The following PCDHGA3 variants were observed in gnomAD, a reference collection of about 807,000 sequenced individuals.
PCDHGA3 encodes protocadherin gamma subfamily A, 3.
PCDHGA3 carries 40 observed loss-of-function variants against 58.5 expected under a neutral mutation model. The ratio of observed to expected loss-of-function variants is 0.68; its 90% CI spans 0.53 to 0.89. PCDHGA3 has a LOEUF of 0.89. Ranked by LOEUF, PCDHGA3 falls within the 40% of genes least tolerant of loss-of-function variation. PCDHGA3 has a pLI of 0.00. For missense variants in PCDHGA3, 1,223 were observed against 1,195.9 expected, an observed-to-expected ratio of 1.02 and a Z score of -0.33; for synonymous variants, 530 against 525.7, an observed-to-expected ratio of 1.01 and a Z score of -0.11.
rs139211149 is a variant in PCDHGA3, at chr5:141,426,067, G to A, written c.2425-68740G>A. Among the ~76,000 whole-genome samples, 5 of 152,328 alleles carry A rather than the reference G, an allele frequency of 3.3e-5. No individual in the cohort carries two copies. The East Asian group carries it at 9.6e-4, about 29-fold the overall frequency. On this transcript the variant is annotated intron_variant, in intron 1 of 3. Coordinates refer to ENST00000253812, the MANE Select transcript of PCDHGA3 (RefSeq NM_018916.4). Reference sequence around the variant, plus strand: ...TGGCCAATGTGCTGCAAGAACTGGAGCCTGGGATCTACCAGGACGATATTC... The same window carrying A: ...TGGCCAATGTGCTGCAAGAACTGGAACCTGGGATCTACCAGGACGATATTC...
chr5:141,422,685 C>G lies in PCDHGA3; in HGVS notation c.2425-72122C>G, dbSNP rs754112462. The G allele has an allele frequency of 2.5e-6, 4 of 1,605,144 alleles. No individual in the cohort carries two copies. The South Asian group carries it at 4.5e-5, about 18-fold the overall frequency. On this transcript the variant is annotated intron_variant, in intron 1 of 3. Coordinates refer to ENST00000253812, the MANE Select transcript of PCDHGA3 (RefSeq NM_018916.4). ...TCGACCCGGACAGCAAACAGAATGCCCTGGTCACTTACTCTCTGACGGATG... is the reference window on the plus strand; with the variant it reads ...TCGACCCGGACAGCAAACAGAATGCGCTGGTCACTTACTCTCTGACGGATG...
chr5:141,473,017 A>AGAAG (rs1484773075), intron 1 of PCDHGA3, among the ~76,000 whole-genome samples: 3 of 151,764 alleles, frequency 2.0e-5, no homozygotes, highest in African/African-American at 4.8e-5. Flanking sequence ...AGAAAAAGAA[A>AGAAG]GAAGGAAGGA....
At chr5:141,360,128 G>A (rs1761430982) in intron 1 of PCDHGA3, 1 of 1,586,806 alleles carries the variant, frequency 6.3e-7, no homozygotes. Context: ...AGCAAAGGGA[G>A]CCAGAAGATG....
chr5:141,509,684 C>G (rs572295300), intron 3 of PCDHGA3, among the ~76,000 whole-genome samples: 139 of 152,310 alleles, frequency 9.1e-4, no homozygotes, highest in Admixed American at 3.7e-3. Flanking sequence ...TTCTTCTGTA[C>G]AGTGGGACGT....
chr5:141,494,173 G>C (rs554811420), intron 1 of PCDHGA3, among the ~76,000 whole-genome samples: 2 of 152,304 alleles, frequency 1.3e-5, no homozygotes, highest in South Asian at 2.1e-4. Flanking sequence ...CTAGGGGTGA[G>C]AAGTGTCCCG....
In PCDHGA3 at chr5:141,490,453, T is replaced by C; in HGVS notation, c.2425-4354T>C. 6.2e-7 allele frequency: 1 copy of C among 1,614,178 alleles called. No homozygotes were observed. Among genetic ancestry groups the C allele is most frequent in the Non-Finnish European group, 8.5e-7 (1 of 1,180,042 alleles). ...GATTAAGCCTTCTGAGAACCACTAC[T>C]CGCTGCTAACCAGCCAGCCTTTGGA... On this transcript the variant is annotated intron_variant, in intron 1 of 3. Coordinates refer to ENST00000253812, the MANE Select transcript of PCDHGA3 (RefSeq NM_018916.4). This position sits in a 1 kb window ranked among gnomAD's most constrained non-coding sequence, Gnocchi z 5.4.
In PCDHGA3 at chr5:141,389,482, G is replaced by A. The variant is rs766365115; in HGVS notation, c.2424+43025G>A. ...GCCTTCGAACTCACACTGCAGGCCC[G>A]CGACCAGGGCTCGCCAGCGCTCAGC... is the stretch of plus-strand genomic sequence containing the variant. On this transcript the variant is annotated intron_variant, in intron 1 of 3. Transcript: ENST00000253812. 4 of 1,613,080 alleles carry A rather than the reference G, an allele frequency of 2.5e-6. No homozygotes were observed. The South Asian group carries it at 3.3e-5, about 13-fold the overall frequency.
Position 141,510,964 on chromosome 5 carries a change from T to C in PCDHGA3, c.2590T>C (p.Ser864Pro), listed in dbSNP as rs1237904575. 6.2e-7 allele frequency: 1 copy of C among 1,614,084 alleles called. No individual in the cohort carries two copies. Among genetic ancestry groups the C allele is most frequent in the South Asian group, 1.1e-5 (1 of 91,082 alleles). The change falls in exon 4 of 4, where the codon TCC becomes CCC. Residue 864 changes from serine to proline, a missense_variant. Coordinates refer to ENST00000253812, the MANE Select transcript of PCDHGA3 (RefSeq NM_018916.4). ...CTCTGCAGAAGCTGCTGATGGGAGC[T>C]CCACCCTGGGAGGGGGTGCCGGCAC... is the stretch of plus-strand genomic sequence containing the variant. The part of the protein sequence containing the change: ...ASASEAADGS[S>P]TLGGGAGTMG...
At chr5:141,505,341 A>G in intron 2 of PCDHGA3, 52 bp from the exon 3 acceptor site, 3 of 1,612,728 alleles carry the variant, frequency 1.9e-6, no homozygotes, top group Non-Finnish European at 2.5e-6. Context: ...CAGGAGGGGC[A>G]TGAGCTGTGC....
At chr5:141,361,540 G>T (rs748594092) in intron 1 of PCDHGA3, 1 of 1,614,018 alleles carries the variant, frequency 6.2e-7, no homozygotes, top group Non-Finnish European at 8.5e-7. Context: ...TCCTCCTGGC[G>T]CCTCTATCGC....
chr5:141,357,661 T>C, intron 1 of PCDHGA3: 5 of 1,605,092 alleles, frequency 3.1e-6, no homozygotes, highest in Non-Finnish European at 4.3e-6. Flanking sequence ...CACTGAAATA[T>C]AGACAAAGAG....
At chr5:141,473,907 C>A (rs552055360) in intron 1 of PCDHGA3, among the ~76,000 whole-genome samples, 1 of 152,102 alleles carries the variant, frequency 6.6e-6, no homozygotes. Flanking sequence ...ATGAAGAGGT[C>A]TTAAGAAAAC....
chr5:141,408,077 G>A, intron 1 of PCDHGA3: 2 of 1,408,130 alleles, frequency 1.4e-6, no homozygotes, highest in South Asian at 3.0e-5. Context: ...ACCTTTCCCA[G>A]CACAGCGGAT....
intron 1 of PCDHGA3, chr5:141,364,455 G>A (rs753233498): frequency 1.9e-6 from 3 of 1,614,000 alleles, no homozygotes; most frequent in Non-Finnish European, 2.5e-6. Flanking sequence ...CTGGACAAAG[G>A]CTCCTTCGTC....
At chr5:141,361,830 C>G (rs760465689) in intron 1 of PCDHGA3, 4 of 1,612,982 alleles carry the variant, frequency 2.5e-6, no homozygotes, top group East Asian at 2.2e-5. Context: ...TGCTGTACCC[C>G]GCGCTGGGGC....
At chr5:141,391,837 T>C (rs2092427916) in intron 1 of PCDHGA3, 1 of 152,236 alleles carries the variant, frequency 6.6e-6, no homozygotes, top group Non-Finnish European at 1.5e-5. Flanking sequence ...TTAGAATATA[T>C]GTAAAAGTCA....
At chr5:141,452,781 A>G (rs575869415) in intron 1 of PCDHGA3, among the ~76,000 whole-genome samples, 10 of 152,302 alleles carry the variant, frequency 6.6e-5, no homozygotes, top group African/African-American at 2.4e-4. Flanking sequence ...CTGAGAAAGT[A>G]ACATACCATC....
At chr5:141,422,806 C>T (rs868426196) in intron 1 of PCDHGA3, 2 of 1,614,208 alleles carry the variant, frequency 1.2e-6, no homozygotes, top group Non-Finnish European at 1.7e-6. Flanking sequence ...TGAGCAGTTT[C>T]GAGACTTAGA....
rs1396744157 is a variant in PCDHGA3 at position 141,432,439 on chromosome 5, C to G, written c.2425-62368C>G. 22 of 1,614,108 alleles carry G rather than the reference C, an allele frequency of 1.4e-5. No individual in the cohort carries two copies. The highest frequency in any genetic ancestry group is 1.7e-5 in the Non-Finnish European group (20 of 1,180,052). On this transcript the variant is annotated intron_variant, in intron 1 of 3. Coordinates refer to ENST00000253812, the MANE Select transcript of PCDHGA3 (RefSeq NM_018916.4). This position sits in a 1 kb window ranked among gnomAD's most constrained non-coding sequence, Gnocchi z 6.0. ...TGCTGGACCAGAACGACAATGCGCCCGAGATCCTGTACCCCGCCCTCCCCA... is the reference window on the plus strand; with the variant it reads ...TGCTGGACCAGAACGACAATGCGCCGGAGATCCTGTACCCCGCCCTCCCCA...
Sources: allele counts gnomAD v4.1 joint callset (sites outside exome capture counted in the v4.1 genomes callset), GRCh38; gene constraint gnomAD v4.1.1; non-coding constraint Gnocchi (gnomAD v3.1); transcripts MANE v1.5; gene names NCBI Gene and HGNC (gene_info 2026-07-23, HGNC 2026-07-21).